The following STAG1 variants were observed in gnomAD, a reference collection of about 807,000 sequenced individuals.
STAG1 encodes cohesin subunit SA-1.
Under a neutral mutation model 170.9 loss-of-function variants are expected in STAG1, and 26 were observed. That is an observed-to-expected ratio of 0.15 (90% CI 0.11 to 0.21). The LOEUF (loss-of-function observed/expected upper bound fraction) is 0.21. Ranked by LOEUF, STAG1 falls within the 10% of genes least tolerant of loss-of-function variation. STAG1 has a pLI of 1.00. For missense variants in STAG1, 964 were observed against 1,509.5 expected, an observed-to-expected ratio of 0.64 and a Z score of 5.99; for synonymous variants, 514 against 497.7, an observed-to-expected ratio of 1.03 and a Z score of -0.44.
chr3:136,521,755 A>G (rs888447224), intron 6 of STAG1, among the ~76,000 whole-genome samples: 4 of 152,214 alleles, frequency 2.6e-5, no homozygotes, highest in African/African-American at 9.6e-5. Context: ...TTAGACTAGA[A>G]AGGATGATTG....
At chr3:136,713,286 C>T (rs1458911714) in intron 1 of STAG1, among the ~76,000 whole-genome samples, 1 of 151,636 alleles carries the variant, frequency 6.6e-6, no homozygotes, top group Non-Finnish European at 1.5e-5. Flanking sequence ...AAGCAAGACA[C>T]AAAAAATAGT....
At chr3:136,410,081 A>AG (rs1281515698) in intron 21 of STAG1, among the ~76,000 whole-genome samples, 1 of 151,310 alleles carries the variant, frequency 6.6e-6, no homozygotes, top group Non-Finnish European at 1.5e-5. Flanking sequence ...AAAAAAAAAA[A>AG]AAAAAAAAAG....
At chr3:136,692,694 G>A (rs1277800871) in intron 1 of STAG1, among the ~76,000 whole-genome samples, 2 of 152,068 alleles carry the variant, frequency 1.3e-5, no homozygotes, top group Admixed American at 1.3e-4. Flanking sequence ...AAAGTAAGGT[G>A]TTCTAAACAA....
chr3:136,413,279 A>T lies in STAG1; in HGVS notation c.2196+4606T>A, dbSNP rs139498293. On this transcript the variant is annotated intron_variant, in intron 21 of 33. Coordinates refer to ENST00000383202, the MANE Select transcript of STAG1 (RefSeq NM_005862.3). ...ATATCGTATATTACATATCGTATACAATATATATCGTATACAATATATATT... is the reference window on the plus strand; with the variant it reads ...ATATCGTATATTACATATCGTATACTATATATATCGTATACAATATATATT... Among the ~76,000 whole-genome samples the T allele has an allele frequency of 8.2e-3, 1,222 of 148,392 alleles. 20 individuals are homozygous for T. Among genetic ancestry groups the T allele is most frequent in the African/African-American group, 0.028 (1,125 of 40,832 alleles).
intron 1 of STAG1, among the ~76,000 whole-genome samples, chr3:136,647,848 G>GA (rs1276332547): frequency 6.6e-6 from 1 of 151,866 alleles, no homozygotes; most frequent in South Asian, 2.1e-4. Context: ...ATTTAATAAA[G>GA]AAAAAAACCT....
chr3:136,635,824 C>T (rs1032936118), intron 1 of STAG1, among the ~76,000 whole-genome samples: 4 of 152,118 alleles, frequency 2.6e-5, no homozygotes, highest in South Asian at 2.1e-4. Flanking sequence ...TTGCTGTAGA[C>T]GATGAACAAA....
chr3:136,365,627 T>C (rs1394115524), intron 25 of STAG1, among the ~76,000 whole-genome samples: 1 of 152,174 alleles, frequency 6.6e-6, no homozygotes, highest in South Asian at 2.1e-4. Flanking sequence ...GGATGAGGAA[T>C]AACTTTTCTG....
intron 2 of STAG1, 43 bp from the exon 3 acceptor site, chr3:136,623,291 T>C (rs770756744): frequency 1.3e-6 from 2 of 1,565,490 alleles, no homozygotes; most frequent in South Asian, 1.1e-5. Flanking sequence ...TTAATAAGTA[T>C]AATGCATTTC....
intron 4 of STAG1, among the ~76,000 whole-genome samples, chr3:136,595,764 A>T (rs1007740511): frequency 6.2e-5 from 9 of 144,734 alleles, no homozygotes; most frequent in Non-Finnish European, 7.6e-5. Context: ...ATCAGTGTTT[A>T]AAAAAAAAAA....
At chr3:136,723,301 G>A (rs1024878747) in intron 1 of STAG1, among the ~76,000 whole-genome samples, 3 of 150,700 alleles carry the variant, frequency 2.0e-5, no homozygotes, top group Non-Finnish European at 3.0e-5. Flanking sequence ...GTCTCTGCCC[G>A]GCCGCCCATC....
At position 136,463,300 on chromosome 3, in the gene STAG1, A is replaced by G. The variant is rs1280841161; in HGVS notation, c.1313+1581T>C. 1.1e-4 allele frequency among the ~76,000 whole-genome samples: 16 copies of G among 152,238 alleles called. No individual in the cohort carries two copies. In the East Asian group the frequency reaches 2.9e-3, roughly 28 times the overall value. ...AACTTTTCTCACTTTGAGAGGTACA[A>G]GTGAGTAGAGAACAATTTGTTATTG... On this transcript the variant is annotated intron_variant, in intron 13 of 33. Transcript: ENST00000383202.
intron 1 of STAG1, among the ~76,000 whole-genome samples, chr3:136,739,343 C>T (rs988194588): frequency 6.6e-5 from 10 of 151,532 alleles, no homozygotes; most frequent in African/African-American, 2.4e-4. Context: ...ATGGTGAGAC[C>T]CTGTCTCTAC....
chr3:136,421,733 G>A (rs2087963017), intron 19 of STAG1, among the ~76,000 whole-genome samples: 1 of 152,192 alleles, frequency 6.6e-6, no homozygotes, highest in Admixed American at 6.6e-5. Flanking sequence ...TTGATAAGCA[G>A]GCATCCTTAA....
chr3:136,360,677 C>CT (rs199541017), intron 26 of STAG1, among the ~76,000 whole-genome samples: 16 of 151,410 alleles, frequency 1.1e-4, no homozygotes, highest in African/African-American at 2.4e-4. Flanking sequence ...TTTATAAATT[C>CT]TTTTTTTTTC....
chr3:136,595,159 C>T (rs1265377965), intron 4 of STAG1, among the ~76,000 whole-genome samples: 1 of 152,094 alleles, frequency 6.6e-6, no homozygotes, highest in Non-Finnish European at 1.5e-5. Context: ...CTCATAACTA[C>T]TAAAGCAAAA....
chr3:136,502,604 A>T, intron 8 of STAG1, 24 bp downstream of exon 8: 1 of 1,608,054 alleles, frequency 6.2e-7, no homozygotes, highest in Non-Finnish European at 8.5e-7. Context: ...AGAACATAAA[A>T]TCATCAGTTC....
intron 16 of STAG1, among the ~76,000 whole-genome samples, chr3:136,424,397 T>C (rs55848312): frequency 0.17 from 25,354 of 150,464 alleles, 3,489 homozygotes; most frequent in African/African-American, 0.39. Context: ...TGGCGCGATA[T>C]TGGCTCACTG....
intron 1 of STAG1, among the ~76,000 whole-genome samples, chr3:136,718,825 G>A (rs1933026409): frequency 6.6e-6 from 1 of 152,024 alleles, no homozygotes; most frequent in South Asian, 2.1e-4. Context: ...TACTCGGGAG[G>A]CTGATGCAAG....
At chr3:136,451,853 T>C (rs2088952033) in intron 14 of STAG1, among the ~76,000 whole-genome samples, 180 bp downstream of exon 14, 1 of 152,100 alleles carries the variant, frequency 6.6e-6, no homozygotes, top group East Asian at 1.9e-4. Context: ...CACACCTACA[T>C]ATATATTCAG....
Sources: gnomAD v4.1 joint callset for allele counts (sites outside exome capture counted in the v4.1 genomes callset) on GRCh38, gnomAD v4.1.1 for gene constraint, MANE v1.5 for transcripts, NCBI Gene and HGNC (gene_info 2026-07-23, HGNC 2026-07-21) for gene names.